Variants in DST observed in about 807,000 individuals in gnomAD.
DST encodes bullous pemphigoid antigen.
Under a neutral mutation model 875.2 loss-of-function variants are expected in DST, and 253 were observed. That is an observed-to-expected ratio of 0.29 (90% CI 0.26 to 0.32). The LOEUF is 0.32. DST is among the 10% of genes least tolerant of loss of function. The pLI is 1.00. For missense variants in DST, 8,287 were observed against 9,111.6 expected (o/e 0.91, Z 3.68); for synonymous variants, 3,124 against 3,197.1 (o/e 0.98, Z 0.77).
chr6:56,752,757 G>A (rs1157322802), intron 4 of DST, among the ~76,000 whole-genome samples: 3 of 152,164 alleles, frequency 2.0e-5, no homozygotes, highest in African/African-American at 7.2e-5. Context: ...TACAATAGCA[G>A]TTTGTATTAC....
intron 10 of DST, among the ~76,000 whole-genome samples, chr6:56,667,747 G>A (rs2099078989): frequency 6.6e-6 from 1 of 151,848 alleles, no homozygotes; most frequent in African/African-American, 2.4e-5. Flanking sequence ...TCAAGCTTTT[G>A]TAGGAAATTT....
chr6:56,582,115 G>C (rs1273912834), intron 49 of DST, among the ~76,000 whole-genome samples: 1 of 152,114 alleles, frequency 6.6e-6, no homozygotes, highest in Non-Finnish European at 1.5e-5. Context: ...AATCCTAACT[G>C]TGTTAGATCC....
intron 4 of DST, among the ~76,000 whole-genome samples, chr6:56,823,375 A>G (rs567829655): frequency 6.6e-6 from 1 of 152,242 alleles, no homozygotes; most frequent in East Asian, 1.9e-4. Flanking sequence ...TTCCACGTAA[A>G]GAAATTATGT....
In DST at chr6:56,494,165, A is replaced by G; in HGVS notation, c.20239T>C (p.Phe6747Leu). The change falls in exon 83 of 104, where the codon TTT becomes CTT. Residue 6747 changes from phenylalanine (F) to leucine (L), a missense_variant. Around this residue, in one of 10 missense-constraint regions of DST, gnomAD observed 1,292 missense variants for 1,552.7 expected, o/e 0.83. Coordinates refer to ENST00000680361, the MANE Select transcript of DST (RefSeq NM_001374736.1). ...TTATATGTTTCTTCTTTAGCTTCAA[A>G]GGCAGCACAGACTTCCTAAATTGAG... ...LNVHMEVCAAFEAKEETYKSL... is the reference protein window; with the variant it reads ...LNVHMEVCAALEAKEETYKSL... 1 of 1,603,004 alleles carries G rather than the reference A, an allele frequency of 6.2e-7. No homozygotes were observed. The highest frequency in any genetic ancestry group is 8.5e-7 in the Non-Finnish European group (1 of 1,173,532).
At chr6:56,807,978 G>GA (rs1192687615) in intron 4 of DST, among the ~76,000 whole-genome samples, 4 of 152,062 alleles carry the variant, frequency 2.6e-5, no homozygotes, top group South Asian at 2.1e-4. Flanking sequence ...TTTTCTGATA[G>GA]AAAAAAATGT....
intron 36 of DST, chr6:56,614,722 C>T: frequency 8.9e-7 from 1 of 1,124,262 alleles, no homozygotes; most frequent in Non-Finnish European, 1.1e-6. Flanking sequence ...GTCTAACCTC[C>T]CAGCTGTTCC....
At chr6:56,670,529 T>C in intron 10 of DST, 112 bp downstream of exon 10, 1 of 856,506 alleles carries the variant, frequency 1.2e-6, no homozygotes, top group South Asian at 2.5e-5. Context: ...CTGTATTTTC[T>C]AATTTTTTGC....
chr6:56,559,056 A>G (rs755898852), intron 58 of DST, among the ~76,000 whole-genome samples: 1 of 152,158 alleles, frequency 6.6e-6, no homozygotes, highest in Non-Finnish European at 1.5e-5. Flanking sequence ...TTGACTTGAG[A>G]GAGTTTTCAT....
intron 9 of DST, among the ~76,000 whole-genome samples, chr6:56,679,665 G>C (rs920351862): frequency 2.0e-5 from 3 of 150,912 alleles, no homozygotes; most frequent in South Asian, 2.1e-4. Flanking sequence ...AAGCTTCCTC[G>C]GGCCCCTGAG....
In DST at chr6:56,642,443, G is replaced by A. The variant is rs777719362; in HGVS notation, c.1839C>T (p.Asp613=). The change falls in exon 16 of 104, where the codon GAC becomes GAT. Residue 613 remains aspartate, a synonymous_variant. Transcript: ENST00000680361. ...GAGCATTTCCAGCAAGAATCAGTTTGTCTTCACAGATGACACTGTCCCTCT... is the reference window on the plus strand; with the variant it reads ...GAGCATTTCCAGCAAGAATCAGTTTATCTTCACAGATGACACTGTCCCTCT... ...RVQRDSVICE[D]KLILAGNALQ... is the part of the protein sequence containing the mutation. The A allele has an allele frequency of 2.2e-5, 36 of 1,613,626 alleles. No homozygotes were observed. The highest frequency in any genetic ancestry group is 3.0e-5 in the Non-Finnish European group (35 of 1,179,664).
intron 69 of DST, among the ~76,000 whole-genome samples, chr6:56,518,944 C>T (rs2096645560): frequency 6.6e-6 from 1 of 152,178 alleles, no homozygotes; most frequent in Non-Finnish European, 1.5e-5. Context: ...CTCTGCAACA[C>T]TATGCCAACT....
chr6:56,526,305 C>T, intron 69 of DST, 56 bp downstream of exon 69: 2 of 1,555,208 alleles, frequency 1.3e-6, no homozygotes, highest in Non-Finnish European at 1.8e-6. Context: ...CAGGTAAAAG[C>T]TCCAAGAACA....
chr6:56,597,515 A>G (rs1188220334), intron 47 of DST, among the ~76,000 whole-genome samples: 1 of 152,196 alleles, frequency 6.6e-6, no homozygotes, highest in African/African-American at 2.4e-5. Context: ...AAATCTTTAT[A>G]ATAATTCTAC....
chr6:56,667,977 G>A (rs1449081366), intron 10 of DST, among the ~76,000 whole-genome samples: 3 of 151,726 alleles, frequency 2.0e-5, no homozygotes, highest in Non-Finnish European at 2.9e-5. Flanking sequence ...TATTGTCTAG[G>A]TTGGTCTCAA....
intron 100 of DST, 127 bp from the exon 101 acceptor site, chr6:56,463,891 G>A: frequency 9.9e-7 from 1 of 1,008,274 alleles, no homozygotes; most frequent in Non-Finnish European, 1.6e-6. Flanking sequence ...ACATCTTTTT[G>A]CCATGCCAAC....
chr6:56,576,901 G>A (rs1408797074), intron 50 of DST, among the ~76,000 whole-genome samples: 1 of 152,142 alleles, frequency 6.6e-6, no homozygotes, highest in Non-Finnish European at 1.5e-5. Flanking sequence ...TGTTGTTTAA[G>A]CTACCCAGCC....
At chr6:56,485,231 A>T (rs2095523462) in intron 88 of DST, 81 bp downstream of exon 88, 1 of 1,480,946 alleles carries the variant, frequency 6.8e-7, no homozygotes. Flanking sequence ...TGATTTTAAA[A>T]GGCTAATTTA....
chr6:56,644,004 G>A (rs59772940), intron 15 of DST, among the ~76,000 whole-genome samples: 24,171 of 152,140 alleles, frequency 0.16, 4,719 homozygotes, highest in African/African-American at 0.47. Context: ...AGGCTTAGAC[G>A]GTTAAAGAAC....
At chr6:56,533,739 G>C (rs79796848) in intron 63 of DST, among the ~76,000 whole-genome samples, 1 of 152,052 alleles carries the variant, frequency 6.6e-6, no homozygotes, top group Non-Finnish European at 1.5e-5. Flanking sequence ...TGCAAAAATC[G>C]CACAAATGCA....
Sources: gnomAD v4.1 joint callset for allele counts (sites outside exome capture counted in the v4.1 genomes callset) on GRCh38, gnomAD v4.1.1 for gene constraint, gnomAD v4.1.1 regional missense constraint, MANE v1.5 for transcripts, NCBI Gene and HGNC (gene_info 2026-07-23, HGNC 2026-07-21) for gene names.